Variants in M1AP observed in about 807,000 individuals in gnomAD.
The protein encoded by M1AP is meiosis 1 arrest protein.
Under a neutral mutation model 51.2 loss-of-function variants are expected in M1AP, and 39 were observed. That is an observed-to-expected ratio of 0.76 (90% CI 0.59 to 1.00). The LOEUF (loss-of-function observed/expected upper bound fraction) is 1.00, where lower values mean the gene tolerates loss of function less well. Among genes scored for constraint, M1AP ranks in the 50% least tolerant of loss-of-function variants. M1AP has a pLI of 0.00. For synonymous variants in M1AP, 251 were observed against 249.2 expected (o/e 1.01, Z -0.07); for missense variants, 545 against 641.2 (o/e 0.85, Z 1.62).
intron 2 of M1AP, among the ~76,000 whole-genome samples, chr2:74,617,016 C>T (rs1681708121): frequency 6.6e-6 from 1 of 151,988 alleles, no homozygotes; most frequent in South Asian, 2.1e-4. Context: ...GACCAGATAC[C>T]CAAAAGGCTA....
Position 74,631,510 on chromosome 2 carries a change from T to C in M1AP, c.240+8526A>G, listed in dbSNP as rs905413315. ...TTTATGCTGTTTAATATATTATATC[T>C]CTATTACTTGTCACCTTGAAGTGAT... is the stretch of plus-strand genomic sequence containing the variant. On this transcript the variant is annotated intron_variant, in intron 2 of 10. Transcript: ENST00000421985. Among the ~76,000 whole-genome samples the C allele has an allele frequency of 3.9e-5, 6 of 152,174 alleles. No individual in the cohort carries two copies. The South Asian group carries it at 6.2e-4, about 16-fold the overall frequency.
intron 7 of M1AP, among the ~76,000 whole-genome samples, chr2:74,570,219 A>C (rs1678649181): frequency 6.6e-6 from 1 of 152,110 alleles, no homozygotes; most frequent in Admixed American, 6.5e-5. Context: ...GTCGGGAAAT[A>C]AAAAAAGCGT....
intron 2 of M1AP, among the ~76,000 whole-genome samples, chr2:74,636,222 C>T (rs1029654519): frequency 2.0e-5 from 3 of 151,770 alleles, no homozygotes; most frequent in African/African-American, 7.3e-5. Flanking sequence ...CCTCTCTGTA[C>T]CTGGTATTCT....
At chr2:74,596,033 T>A (rs1410568605) in intron 4 of M1AP, among the ~76,000 whole-genome samples, 1 of 152,068 alleles carries the variant, frequency 6.6e-6, no homozygotes, top group Non-Finnish European at 1.5e-5. Context: ...AATATTTAAA[T>A]AATCCAAAAG....
intron 4 of M1AP, among the ~76,000 whole-genome samples, chr2:74,587,897 G>A (rs1558662518): frequency 6.6e-6 from 1 of 152,202 alleles, no homozygotes; most frequent in Non-Finnish European, 1.5e-5. Flanking sequence ...AAAGCCAAAT[G>A]ACTGAAGATT....
chr2:74,621,708 G>C (rs1229903455), intron 2 of M1AP, among the ~76,000 whole-genome samples: 1 of 150,764 alleles, frequency 6.6e-6, no homozygotes. Context: ...CAGGAGAATG[G>C]CGTAAACCCG....
intron 7 of M1AP, among the ~76,000 whole-genome samples, chr2:74,566,055 C>A (rs893349054): frequency 6.6e-6 from 1 of 152,152 alleles, no homozygotes; most frequent in Non-Finnish European, 1.5e-5. Context: ...GCTCTTGCTA[C>A]TTCTATTCAC....
At chr2:74,637,168 T>C (rs933069318) in intron 2 of M1AP, among the ~76,000 whole-genome samples, 10 of 152,234 alleles carry the variant, frequency 6.6e-5, no homozygotes, top group Admixed American at 3.3e-4. Context: ...TCATGTTGGA[T>C]AGTTTCTATT....
chr2:74,635,433 ACTT>A (rs1434444603), intron 2 of M1AP, among the ~76,000 whole-genome samples: 1 of 151,774 alleles, frequency 6.6e-6, no homozygotes, highest in African/African-American at 2.4e-5. Context: ...CAAAGAATCA[ACTT>A]CTTTTCATTG....
At chr2:74,639,467 T>C (rs1317757181) in intron 2 of M1AP, among the ~76,000 whole-genome samples, 2 of 152,186 alleles carry the variant, frequency 1.3e-5, no homozygotes, top group Non-Finnish European at 2.9e-5. Context: ...TAGATAATTG[T>C]TTATGTATGA....
intron 2 of M1AP, among the ~76,000 whole-genome samples, chr2:74,637,906 A>G (rs1683076291): frequency 6.6e-6 from 1 of 152,014 alleles, no homozygotes; most frequent in African/African-American, 2.4e-5. Context: ...TTCTGTATGT[A>G]GCTCCTTCTC....
intron 3 of M1AP, among the ~76,000 whole-genome samples, chr2:74,611,717 A>T (rs1471975806): frequency 6.6e-6 from 1 of 151,496 alleles, no homozygotes; most frequent in Non-Finnish European, 1.5e-5. Flanking sequence ...CTGTAATCCC[A>T]GCTATTCGGG....
At chr2:74,587,030 T>C (rs1679748463) in intron 4 of M1AP, among the ~76,000 whole-genome samples, 1 of 151,732 alleles carries the variant, frequency 6.6e-6, no homozygotes, top group South Asian at 2.1e-4. Context: ...TTGTTAGCTA[T>C]GTGATTTTGG....
rs1331596937 is a variant in M1AP at position 74,575,579 on chromosome 2, C to G, written c.933G>C (p.Lys311Asn). The change falls in exon 7 of 11, where the codon AAG becomes AAC. Residue 311 changes from lysine to asparagine, a missense_variant and splice_region_variant. Coordinates refer to ENST00000421985, the MANE Select transcript of M1AP (RefSeq NM_001321739.2). ...CGCAGAGCCCGCTAGATTTTAAAGC[C>G]CTAGGAAGAGATAATTACAGTCAAA... ...SASHYKLQVI[K>N]ALKSSGLCES... 3.7e-6 allele frequency: 6 copies of G among 1,612,794 alleles called. No homozygotes were observed. Among genetic ancestry groups the G allele is most frequent in the Non-Finnish European group, 3.4e-6 (4 of 1,179,128 alleles).
chr2:74,642,202 T>C (rs1197051142), intron 1 of M1AP, among the ~76,000 whole-genome samples: 2 of 151,938 alleles, frequency 1.3e-5, no homozygotes, highest in Non-Finnish European at 2.9e-5. Flanking sequence ...AAGAAAAAAA[T>C]TATAGGATAA....
At chr2:74,634,638 C>A (rs957727604) in intron 2 of M1AP, among the ~76,000 whole-genome samples, 1 of 152,146 alleles carries the variant, frequency 6.6e-6, no homozygotes, top group Non-Finnish European at 1.5e-5. Context: ...TTGTCTCAAT[C>A]TTAGGGGGAA....
chr2:74,566,543 C>T (rs1308249423), intron 7 of M1AP, among the ~76,000 whole-genome samples: 1 of 152,038 alleles, frequency 6.6e-6, no homozygotes, highest in East Asian at 1.9e-4. Flanking sequence ...GGGGAAGATG[C>T]GAGGGGCGTA....
At chr2:74,584,869 G>A (rs778249048) in intron 4 of M1AP, among the ~76,000 whole-genome samples, 1 of 150,188 alleles carries the variant, frequency 6.7e-6, no homozygotes, top group Non-Finnish European at 1.5e-5. Flanking sequence ...TTGAGATGGG[G>A]TCTCACTCTG....
At chr2:74,638,029 C>G (rs1308221208) in intron 2 of M1AP, among the ~76,000 whole-genome samples, 3 of 151,982 alleles carry the variant, frequency 2.0e-5, no homozygotes, top group African/African-American at 7.2e-5. Context: ...AGCTTAGAAA[C>G]TTTCTCAAGG....
Sources: allele counts gnomAD v4.1 joint callset (sites outside exome capture counted in the v4.1 genomes callset), GRCh38; gene constraint gnomAD v4.1.1; transcripts MANE v1.5; gene names NCBI Gene and HGNC (gene_info 2026-07-23, HGNC 2026-07-21).